NTM: variants seen among roughly 807,000 people sequenced by gnomAD.
The protein encoded by NTM is IgLON family member 2.
Under a neutral mutation model 42.1 loss-of-function variants are expected in NTM, and 13 were observed. The ratio of observed to expected loss-of-function variants is 0.31; its 90% CI spans 0.20 to 0.49. The LOEUF is 0.49. Among genes scored for constraint, NTM ranks in the 20% least tolerant of loss-of-function variants. The probability of loss-of-function intolerance (pLI) is 0.99; values close to 1 mark genes in which losing one functional copy is unlikely to be tolerated. For synonymous variants in NTM, 187 were observed against 179.2 expected, an observed-to-expected ratio of 1.04 and a Z score of -0.35; for missense variants, 373 against 452.8, an observed-to-expected ratio of 0.82 and a Z score of 1.60.
intron 3 of NTM, among the ~76,000 whole-genome samples, chr11:132,208,051 G>A (rs1191001031): frequency 6.6e-6 from 1 of 152,170 alleles, no homozygotes; most frequent in Non-Finnish European, 1.5e-5. Context: ...TATTGAAGAA[G>A]GAGTGAATGA....
chr11:132,270,570 A>G (rs528648882), intron 4 of NTM, among the ~76,000 whole-genome samples: 6 of 152,276 alleles, frequency 3.9e-5, no homozygotes, highest in Non-Finnish European at 5.9e-5. Context: ...TGTCCAAAGA[A>G]ATTTAGGTTA....
At chr11:132,263,217 A>T (rs1322452734) in intron 4 of NTM, among the ~76,000 whole-genome samples, 1 of 152,172 alleles carries the variant, frequency 6.6e-6, no homozygotes, top group Non-Finnish European at 1.5e-5. Context: ...AAGGCTGTTC[A>T]AGGGGGCCAT....
intron 2 of NTM, among the ~76,000 whole-genome samples, chr11:132,026,290 A>G (rs993913880): frequency 6.6e-6 from 1 of 152,202 alleles, no homozygotes; most frequent in Non-Finnish European, 1.5e-5. Flanking sequence ...CCGCATGATC[A>G]GGAAGTCTTG....
intron 1 of NTM, among the ~76,000 whole-genome samples, chr11:131,869,566 T>C (rs553655239): frequency 2.6e-5 from 4 of 152,270 alleles, no homozygotes; most frequent in Non-Finnish European, 5.9e-5. Context: ...GCTTAGTCGA[T>C]GCCAGCTTGT....
At chr11:132,101,848 C>A (rs1470807069) in intron 2 of NTM, among the ~76,000 whole-genome samples, 2 of 152,212 alleles carry the variant, frequency 1.3e-5, no homozygotes, top group Non-Finnish European at 2.9e-5. Context: ...ATCTTCCACA[C>A]AGAGGACAGG....
intron 2 of NTM, among the ~76,000 whole-genome samples, chr11:131,987,575 A>G (rs2135043964): frequency 6.6e-6 from 1 of 152,328 alleles, no homozygotes; most frequent in Non-Finnish European, 1.5e-5. Flanking sequence ...AGAACTGAAG[A>G]TTTAGACCAC....
At chr11:131,870,118 C>G (rs192043227) in intron 1 of NTM, among the ~76,000 whole-genome samples, 6 of 152,218 alleles carry the variant, frequency 3.9e-5, no homozygotes, top group Non-Finnish European at 1.5e-5. Flanking sequence ...TTGCTTTTAT[C>G]GAGTCCATTT....
Position 131,403,178 on chromosome 11 carries a change from T to G in NTM, c.82+32290T>G, listed in dbSNP as rs1244627010. Among the ~76,000 whole-genome samples, 5 of 152,284 alleles carry G rather than the reference T, an allele frequency of 3.3e-5. No individual in the cohort carries two copies. In the South Asian group the frequency reaches 1.0e-3, roughly 32 times the overall value. Reference sequence around the variant, plus strand: ...CAATCCAGTCACAGACAGACTCACCTCTTTGCTGGAGGTGTCCCTAGTAGT... The same window carrying G: ...CAATCCAGTCACAGACAGACTCACCGCTTTGCTGGAGGTGTCCCTAGTAGT... On this transcript the variant is annotated intron_variant, in intron 1 of 8. Transcript: ENST00000683400.
At chr11:132,278,644 C>T (rs4937690) in intron 4 of NTM, among the ~76,000 whole-genome samples, 31,780 of 151,940 alleles carry the variant, frequency 0.21, 4,388 homozygotes, top group East Asian at 0.66. Flanking sequence ...TATGGAGACA[C>T]CATCCAGAGA....
Position 132,335,224 on chromosome 11 carries a change from G to T in NTM, c.*78G>T. The T allele has an allele frequency of 6.7e-7, 1 of 1,488,490 alleles. No individual in the cohort carries two copies. Among genetic ancestry groups the T allele is most frequent in the Non-Finnish European group, 9.3e-7 (1 of 1,080,824 alleles). The allele number at this position is 1,488,490 out of a possible 1,614,324, so 92.2% of individuals were successfully genotyped here. A position where few individuals can be genotyped will look rare whatever the true frequency, so the allele number is the denominator to read the frequency against. Reference sequence around the variant, plus strand: ...CACAACAGCAATGGCAACACCGACAGCAACCAATCAGATATATACAAATGA... The same window carrying T: ...CACAACAGCAATGGCAACACCGACATCAACCAATCAGATATATACAAATGA... On this transcript the variant is annotated 3_prime_UTR_variant, in exon 9 of 9. Coordinates refer to ENST00000683400, the MANE Select transcript of NTM (RefSeq NM_001352005.2).
intron 1 of NTM, among the ~76,000 whole-genome samples, chr11:131,435,992 A>G (rs1949092769): frequency 6.6e-6 from 1 of 152,190 alleles, no homozygotes. Flanking sequence ...AGTTTTTAGC[A>G]TGAAGGGCTG....
chr11:131,784,419 T>C (rs2088754824), intron 1 of NTM, among the ~76,000 whole-genome samples: 1 of 151,974 alleles, frequency 6.6e-6, no homozygotes, highest in Non-Finnish European at 1.5e-5. Flanking sequence ...GAGTAATGAG[T>C]AATGAAAAGA....
intron 1 of NTM, among the ~76,000 whole-genome samples, chr11:131,598,875 T>TCTTCCTTCCTTCCTTCCTTCCTTC (rs869056003): frequency 7.1e-4 from 25 of 35,020 alleles, no homozygotes; most frequent in Non-Finnish European, 1.2e-3. Context: ...CTTCCTTCCT[T>TCTTCCTTCCTTCCTTCCTTCCTTC]CTTCCTTCCT....
intron 4 of NTM, among the ~76,000 whole-genome samples, chr11:132,296,156 C>T (rs1391603232): frequency 6.6e-6 from 1 of 152,142 alleles, no homozygotes; most frequent in Non-Finnish European, 1.5e-5. Flanking sequence ...GTGAATTCAG[C>T]CTGCGGTGTC....
At chr11:132,098,293 A>T (rs1315649286) in intron 2 of NTM, among the ~76,000 whole-genome samples, 1 of 152,132 alleles carries the variant, frequency 6.6e-6, no homozygotes, top group African/African-American at 2.4e-5. Context: ...CAAAATTGTG[A>T]CTCATGATAA....
chr11:131,836,751 C>G (rs1449949245), intron 1 of NTM, among the ~76,000 whole-genome samples: 1 of 152,108 alleles, frequency 6.6e-6, no homozygotes, highest in African/African-American at 2.4e-5. Context: ...TACTGGTTTA[C>G]TAATTACTCT....
At chr11:132,201,966 A>G (rs2081227539) in intron 3 of NTM, among the ~76,000 whole-genome samples, 2 of 152,322 alleles carry the variant, frequency 1.3e-5, no homozygotes, top group Admixed American at 6.5e-5. Flanking sequence ...TTCAACAAAT[A>G]TTAGTTTTCT....
intron 1 of NTM, among the ~76,000 whole-genome samples, chr11:131,498,604 A>G (rs967170232): frequency 2.0e-5 from 3 of 151,938 alleles, no homozygotes; most frequent in Non-Finnish European, 4.4e-5. Context: ...TTTCCCTCTG[A>G]TCTTGTTTCA....
intron 2 of NTM, among the ~76,000 whole-genome samples, chr11:132,005,440 A>G (rs1490392472): frequency 6.6e-6 from 1 of 152,230 alleles, no homozygotes; most frequent in African/African-American, 2.4e-5. Flanking sequence ...AGCTACTTGC[A>G]TTGTGGCAGA....
Sources: gnomAD v4.1 joint callset for allele counts (sites outside exome capture counted in the v4.1 genomes callset) on GRCh38, gnomAD v4.1.1 for gene constraint, MANE v1.5 for transcripts, NCBI Gene and HGNC (gene_info 2026-07-23, HGNC 2026-07-21) for gene names.